Variants in CYP4F3 observed in about 807,000 individuals in gnomAD.
The protein encoded by CYP4F3 is cytochrome P450 4F3.
CYP4F3 carries 50 observed loss-of-function variants against 54.8 expected under a neutral mutation model. The observed-to-expected ratio is 0.91, with a 90% CI of 0.73 to 1.16. The LOEUF is 1.16. CYP4F3 is among the 50% of genes most tolerant of loss of function. The pLI, the probability that CYP4F3 is intolerant of heterozygous loss-of-function variation, is 0.00. For synonymous variants in CYP4F3, 244 were observed against 262.6 expected (o/e 0.93, Z 0.69); for missense variants, 715 against 676.2 (o/e 1.06, Z -0.64).
At chr19:15,658,882 G>T (rs964865319) in intron 12 of CYP4F3, 73 bp downstream of exon 12, 3 of 1,556,510 alleles carry the variant, frequency 1.9e-6, no homozygotes, top group Admixed American at 1.8e-5. Flanking sequence ...GTGGGGAAAA[G>T]GGGGACATTG....
chr19:15,660,141 A>G lies in CYP4F3; in HGVS notation c.*756A>G, dbSNP rs1973150413. ...AGGAAACATTATTTTGTGTTCTTCA[A>G]AATGTGCATGTTAAGTATTCAAATC... On this transcript the variant is annotated 3_prime_UTR_variant, in exon 13 of 13. Transcript: ENST00000221307. The G allele has an allele frequency of 6.6e-6, 1 of 152,226 alleles. No individual in the cohort carries two copies. Among genetic ancestry groups the G allele is most frequent in the Non-Finnish European group, 1.5e-5 (1 of 68,048 alleles). 9.4% of individuals were successfully genotyped at this position (152,226 alleles called of 1,614,324 possible). A position where few individuals can be genotyped will look rare whatever the true frequency, so the allele number is the denominator to read the frequency against.
At chr19:15,641,263 T>G in intron 1 of CYP4F3, 152 bp from the exon 2 acceptor site, 1 of 993,032 alleles carries the variant, frequency 1.0e-6, no homozygotes, top group Non-Finnish European at 1.4e-6. Context: ...CTTTCTGGAC[T>G]TTACCCCTCA....
At chr19:15,644,175 T>C in intron 2 of CYP4F3, 1 of 1,188,448 alleles carries the variant, frequency 8.4e-7, no homozygotes, top group Non-Finnish European at 1.1e-6. Flanking sequence ...CTCTCAGCCA[T>C]CTTCATCTTT....
chr19:15,643,842 G>C, intron 2 of CYP4F3: 2 of 1,439,686 alleles, frequency 1.4e-6, no homozygotes, highest in Middle Eastern at 2.0e-4. Context: ...GCATCCTTTA[G>C]CCCAGTCAAG....
At chr19:15,657,002 A>G (rs953027669) in intron 9 of CYP4F3, among the ~76,000 whole-genome samples, 13 of 152,168 alleles carry the variant, frequency 8.5e-5, no homozygotes, top group African/African-American at 3.1e-4. Flanking sequence ...ATTATAGTCA[A>G]TATTTCCAAT....
chr19:15,659,249 C>T lies in CYP4F3; in HGVS notation c.1427C>T (p.Ala476Val), dbSNP rs138194970. 6 of 1,611,882 alleles carry T rather than the reference C, an allele frequency of 3.7e-6. No homozygotes were observed. Among genetic ancestry groups the T allele is most frequent in the East Asian group, 2.2e-5 (1 of 44,816 alleles). Reference sequence around the variant, plus strand: ...TGCATCGGGCAGGCGTTCGCGATGGCGGAGATGAAGGTGGTCCTGGGGCTC... The same window carrying T: ...TGCATCGGGCAGGCGTTCGCGATGGTGGAGATGAAGGTGGTCCTGGGGCTC... Reference protein sequence around the residue: ...RNCIGQAFAMAEMKVVLGLTL... With the variant: ...RNCIGQAFAMVEMKVVLGLTL... The change falls in exon 13 of 13, where the codon GCG becomes GTG. Residue 476 changes from alanine (A) to valine (V), a missense_variant. By Grantham distance (64) the Ala-to-Val change is moderately conservative. Transcript: ENST00000221307.
At position 15,659,707 on chromosome 19, in the gene CYP4F3, G is replaced by A. The variant is rs183980889; in HGVS notation, c.*322G>A. ...AAGCAGTGATCCCCACTACACTGTG[G>A]ATGAACCTTGAATGCATGATACTGA... On this transcript the variant is annotated 3_prime_UTR_variant, in exon 13 of 13. Transcript: ENST00000221307. 8.4e-5 allele frequency: 27 copies of A among 319,614 alleles called. No individual in the cohort carries two copies. The highest frequency in any genetic ancestry group is 5.2e-4 in the African/African-American group (24 of 46,324). 19.8% of individuals were successfully genotyped at this position (319,614 alleles called of 1,614,324 possible).
chr19:15,656,313 A>G (rs1973009380), intron 9 of CYP4F3, among the ~76,000 whole-genome samples: 1 of 152,136 alleles, frequency 6.6e-6, no homozygotes, highest in Non-Finnish European at 1.5e-5. Flanking sequence ...CACCACATGG[A>G]AAAACAACAT....
At chr19:15,641,190 C>A in intron 1 of CYP4F3, 1 of 563,554 alleles carries the variant, frequency 1.8e-6, no homozygotes. Flanking sequence ...GTTTCTCTGT[C>A]TTTCTCAATC....
intron 2 of CYP4F3, 29 bp from the exon 3 acceptor site, chr19:15,645,690 T>C: frequency 1.3e-6 from 2 of 1,581,820 alleles, no homozygotes; most frequent in South Asian, 1.1e-5. Flanking sequence ...TAGGAGAGCA[T>C]GAATTGGGTC....
rs887308875 is a variant in CYP4F3, at chr19:15,643,800, A to G, written c.199-1919A>G. 1.1e-5 allele frequency: 15 copies of G among 1,318,420 alleles called. No homozygotes were observed. The African/African-American group carries it at 2.2e-4, about 19-fold the overall frequency. 81.7% of individuals were successfully genotyped at this position (1,318,420 alleles called of 1,614,324 possible). A position where few individuals can be genotyped will look rare whatever the true frequency, so the allele number is the denominator to read the frequency against. Reference sequence around the variant, plus strand: ...AATTGAATGCCAGTCTCTTCTGGAAACACCCTCACAGACGGATGATCAACT... The same window carrying G: ...AATTGAATGCCAGTCTCTTCTGGAAGCACCCTCACAGACGGATGATCAACT... On this transcript the variant is annotated intron_variant, in intron 2 of 12. Coordinates refer to ENST00000221307, the MANE Select transcript of CYP4F3 (RefSeq NM_000896.3).
intron 9 of CYP4F3, among the ~76,000 whole-genome samples, chr19:15,656,443 AG>A (rs745437300): frequency 1.3e-5 from 2 of 151,560 alleles, no homozygotes; most frequent in Non-Finnish European, 2.9e-5. Context: ...CATTCTCCAA[AG>A]GTGTTTCTAG....
rs1331665809 is a variant in CYP4F3 at position 15,647,204 on chromosome 19, G to A, written c.405G>A (p.Gly135=). 1.2e-6 allele frequency: 2 copies of A among 1,614,124 alleles called. No homozygotes were observed. The highest frequency in any genetic ancestry group is 1.7e-5 in the Admixed American group (1 of 60,008). ...CCTTGGCTGCCCTGCCAGGGGATGGGCTCCTGCTGAGTGCTGGTGAAAAGT... is the reference window on the plus strand; with the variant it reads ...CCTTGGCTGCCCTGCCAGGGGATGGACTCCTGCTGAGTGCTGGTGAAAAGT... The part of the protein sequence containing the change: ...YSFLKPWLGD[G]LLLSAGEKWS... Residue 135 remains glycine, a synonymous_variant, in exon 5 of 13, where the codon GGG becomes GGA. Coordinates refer to ENST00000221307, the MANE Select transcript of CYP4F3 (RefSeq NM_000896.3).
rs181098867 is a variant in CYP4F3 at position 15,658,545 on chromosome 19, C to T, written c.1304C>T (p.Pro435Leu). Residue 435 changes from proline (P) to leucine (L), a missense_variant, in exon 11 of 13, where the codon CCG becomes CTG. By Grantham distance (98) the Pro-to-Leu change is moderately conservative (BLOSUM62 -3). Transcript: ENST00000221307. ...ACCCATCACAACCCAGCCGTGTGGCCGGACCCTGAGGTGCGGGCCCCCCGT... is the reference window on the plus strand; with the variant it reads ...ACCCATCACAACCCAGCCGTGTGGCTGGACCCTGAGGTGCGGGCCCCCCGT... ...FGTHHNPAVW[P>L]DPEVYDPFRF... The T allele has an allele frequency of 9.3e-6, 15 of 1,614,120 alleles. No individual in the cohort carries two copies. Among genetic ancestry groups the T allele is most frequent in the South Asian group, 3.3e-5 (3 of 91,084 alleles).
intron 3 of CYP4F3, among the ~76,000 whole-genome samples, chr19:15,646,219 G>A (rs1972620905): frequency 6.6e-6 from 1 of 152,176 alleles, no homozygotes; most frequent in African/African-American, 2.4e-5. Context: ...GGTCATGTGT[G>A]GAGTTCATGT....
chr19:15,647,228 G>T lies in CYP4F3; in HGVS notation c.429G>T (p.Lys143Asn). Residue 143 changes from lysine to asparagine, a missense_variant, in exon 5 of 13, where the codon AAG becomes AAT. Coordinates refer to ENST00000221307, the MANE Select transcript of CYP4F3 (RefSeq NM_000896.3). Reference protein sequence around the residue: ...GDGLLLSAGEKWSRHRRMLTP... With the variant: ...GDGLLLSAGENWSRHRRMLTP... ...GGCTCCTGCTGAGTGCTGGTGAAAAGTGGAGCCGCCACCGTCGGATGCTGA... is the reference window on the plus strand; with the variant it reads ...GGCTCCTGCTGAGTGCTGGTGAAAATTGGAGCCGCCACCGTCGGATGCTGA... 1.2e-6 allele frequency: 2 copies of T among 1,614,236 alleles called. No individual in the cohort carries two copies. Among genetic ancestry groups the T allele is most frequent in the Non-Finnish European group, 1.7e-6 (2 of 1,180,052 alleles).
chr19:15,659,293 G>C lies in CYP4F3; in HGVS notation c.1471G>C (p.Val491Leu). 6.2e-7 allele frequency: 1 copy of C among 1,613,586 alleles called. No homozygotes were observed. The highest frequency in any genetic ancestry group is 8.5e-7 in the Non-Finnish European group (1 of 1,179,860). Residue 491 changes from valine (V) to leucine (L), a missense_variant, in exon 13 of 13, where the codon GTC becomes CTC. Physicochemically the swap from Val to Leu is conservative, Grantham distance 32. Coordinates refer to ENST00000221307, the MANE Select transcript of CYP4F3 (RefSeq NM_000896.3). ...VLGLTLLRFRVLPDHTEPRRK... is the reference protein window; with the variant it reads ...VLGLTLLRFRLLPDHTEPRRK... ...GGGGCTCACGCTGCTGCGCTTCCGC[G>C]TCCTGCCTGACCACACCGAGCCCCG... is the stretch of plus-strand genomic sequence containing the variant.
At chr19:15,650,822 C>CTCT (rs1370022522) in intron 7 of CYP4F3, among the ~76,000 whole-genome samples, 1 of 52,670 alleles carries the variant, frequency 1.9e-5, no homozygotes. Flanking sequence ...TTCTTTCTTT[C>CTCT]TTTCTTTCTT....
intron 7 of CYP4F3, 124 bp downstream of exon 7, chr19:15,650,307 G>C (rs1272037276): frequency 6.3e-7 from 1 of 1,582,028 alleles, no homozygotes; most frequent in African/African-American, 1.3e-5. Context: ...GAGGAAGGGA[G>C]GGACAGGTCA....
Sources: gnomAD v4.1 joint callset for allele counts (sites outside exome capture counted in the v4.1 genomes callset) on GRCh38, gnomAD v4.1.1 for gene constraint, MANE v1.5 for transcripts, NCBI Gene and HGNC (gene_info 2026-07-23, HGNC 2026-07-21) for gene names.